Variants in CACNA2D3 observed in about 807,000 individuals in gnomAD.
CACNA2D3 encodes the protein calcium voltage-gated channel auxiliary subunit alpha2delta 3.
In CACNA2D3, 60 loss-of-function variants were observed where a neutral mutation model predicts 160.6. The ratio of observed to expected loss-of-function variants is 0.37; its 90% CI spans 0.30 to 0.46. The LOEUF is 0.46. Ranked by LOEUF, CACNA2D3 falls within the 20% of genes least tolerant of loss-of-function variation. CACNA2D3 has a pLI of 1.00. For missense variants in CACNA2D3, 1,205 were observed against 1,365.0 expected (o/e 0.88, Z 1.85); for synonymous variants, 558 against 492.9 (o/e 1.13, Z -1.75).
intron 4 of CACNA2D3, among the ~76,000 whole-genome samples, chr3:54,462,712 G>A: frequency 6.6e-6 from 1 of 152,108 alleles, no homozygotes; most frequent in African/African-American, 2.4e-5. Flanking sequence ...ACACTGATGG[G>A]TCTTGACTCT....
chr3:54,851,139 G>A (rs75346540), intron 17 of CACNA2D3, among the ~76,000 whole-genome samples: 3,201 of 152,292 alleles, frequency 0.021, 122 homozygotes, highest in African/African-American at 0.073. Flanking sequence ...AACATTCACT[G>A]ATTCCTTTTT....
intron 11 of CACNA2D3, among the ~76,000 whole-genome samples, chr3:54,723,730 C>G (rs541627127): frequency 3.3e-5 from 5 of 152,194 alleles, no homozygotes; most frequent in Non-Finnish European, 5.9e-5. Context: ...TCCAACCATT[C>G]TCAGTGAGAT....
Position 55,018,327 on chromosome 3 carries a change from C to T in CACNA2D3, c.2987+10C>T. 1 of 1,529,472 alleles carries T rather than the reference C, an allele frequency of 6.5e-7. No homozygotes were observed. Among genetic ancestry groups the T allele is most frequent in the Non-Finnish European group, 9.1e-7 (1 of 1,104,942 alleles). The allele number at this position is 1,529,472 out of a possible 1,614,324, so 94.7% of individuals were successfully genotyped here. ...GTGAAGACTGCTCCAAGTAAGCCAT[C>T]CCCCCACCCTCTAACCCCCTACACC... On this transcript the variant is annotated intron_variant, in intron 35 of 37. Coordinates refer to ENST00000474759, the MANE Select transcript of CACNA2D3 (RefSeq NM_018398.3).
chr3:54,147,216 A>G (rs1700048671), intron 2 of CACNA2D3, among the ~76,000 whole-genome samples: 2 of 152,194 alleles, frequency 1.3e-5, no homozygotes, highest in African/African-American at 4.8e-5. Flanking sequence ...TCTGGGCCTT[A>G]GTGTCCCCAT....
chr3:54,682,348 C>T (rs1203643576), intron 11 of CACNA2D3, among the ~76,000 whole-genome samples: 4 of 152,024 alleles, frequency 2.6e-5, no homozygotes, highest in Admixed American at 6.6e-5. Flanking sequence ...AGAATTAGCC[C>T]GGGCGTGGTG....
chr3:54,478,714 A>G (rs899941408), intron 4 of CACNA2D3, among the ~76,000 whole-genome samples: 2 of 142,890 alleles, frequency 1.4e-5, no homozygotes, highest in African/African-American at 5.2e-5. Flanking sequence ...TGAATCTCGC[A>G]TCTTCAATGT....
chr3:54,509,598 T>C (rs9846344), intron 5 of CACNA2D3, among the ~76,000 whole-genome samples: 2 of 152,136 alleles, frequency 1.3e-5, no homozygotes, highest in African/African-American at 4.8e-5. Context: ...TCGCACATGG[T>C]CTGTTGGTAC....
intron 2 of CACNA2D3, among the ~76,000 whole-genome samples, chr3:54,204,624 G>A (rs868296094): frequency 1.3e-5 from 2 of 151,880 alleles, no homozygotes; most frequent in Non-Finnish European, 1.5e-5. Context: ...GTGAAACCCT[G>A]TCTCTACTAA....
chr3:54,984,615 A>T lies in CACNA2D3; in HGVS notation c.2564A>T (p.Asn855Ile). The change falls in exon 30 of 38, where the codon AAT becomes ATT. Residue 855 changes from asparagine (N) to isoleucine (I), a missense_variant. By Grantham distance (149) the Asn-to-Ile change is moderately radical. Around this residue, in one of 3 missense-constraint regions of CACNA2D3, gnomAD observed 911 missense variants for 1,002.2 expected, o/e 0.91. Coordinates refer to ENST00000474759, the MANE Select transcript of CACNA2D3 (RefSeq NM_018398.3). ...TTTTTTTTAATTTTCTAGACTGTGA[A>T]TTGTTACCTCATAGACAATAATGGA... ...CSISCDDETV[N>I]CYLIDNNGFI... is the part of the protein sequence containing the mutation. 1 of 1,546,880 alleles carries T rather than the reference A, an allele frequency of 6.5e-7. No homozygotes were observed. Among genetic ancestry groups the T allele is most frequent in the Non-Finnish European group, 8.8e-7 (1 of 1,140,534 alleles).
intron 24 of CACNA2D3, among the ~76,000 whole-genome samples, chr3:54,889,885 T>G (rs1700016711): frequency 1.3e-5 from 2 of 152,186 alleles, no homozygotes; most frequent in Non-Finnish European, 2.9e-5. Flanking sequence ...GGTTGCTGAT[T>G]CATTCCTAAC....
chr3:54,566,233 C>T (rs1702407086), intron 6 of CACNA2D3, among the ~76,000 whole-genome samples: 1 of 152,190 alleles, frequency 6.6e-6, no homozygotes, highest in African/African-American at 2.4e-5. Flanking sequence ...TCCAAGTCTT[C>T]CTAGTACCTG....
intron 9 of CACNA2D3, among the ~76,000 whole-genome samples, chr3:54,622,970 A>C (rs1699022353): frequency 6.6e-6 from 1 of 152,144 alleles, no homozygotes; most frequent in African/African-American, 2.4e-5. Context: ...TAAGAAGGGG[A>C]GGAGGGGCAT....
intron 2 of CACNA2D3, among the ~76,000 whole-genome samples, chr3:54,135,991 G>A (rs746218241): frequency 2.6e-5 from 4 of 152,216 alleles, no homozygotes; most frequent in Non-Finnish European, 5.9e-5. Flanking sequence ...ACAGGGGGAG[G>A]CAGCCCTGAG....
chr3:54,907,751 C>G (rs1291438636), intron 27 of CACNA2D3, among the ~76,000 whole-genome samples: 1 of 152,160 alleles, frequency 6.6e-6, no homozygotes, highest in African/African-American at 2.4e-5. Flanking sequence ...AACTACAGCT[C>G]TAGGAAACCA....
chr3:54,529,948 G>T (rs1232057401), intron 5 of CACNA2D3, among the ~76,000 whole-genome samples: 1 of 152,204 alleles, frequency 6.6e-6, no homozygotes, highest in Non-Finnish European at 1.5e-5. Context: ...GTAGGAATGT[G>T]TGTTGGAAAT....
In CACNA2D3 at chr3:54,551,229, G is replaced by A. The variant is rs573282085; in HGVS notation, c.545-11571G>A. 2.4e-4 allele frequency among the ~76,000 whole-genome samples: 36 copies of A among 152,218 alleles called. 1 individual carries two copies. The highest frequency in any genetic ancestry group is 7.5e-4 in the African/African-American group (31 of 41,526). ...CAACCTGCCCACCCCATGCCTCTGC[G>A]TTCTGCAGATTCCATTTTACCCCAA... On this transcript the variant is annotated intron_variant, in intron 5 of 37. Coordinates refer to ENST00000474759, the MANE Select transcript of CACNA2D3 (RefSeq NM_018398.3).
chr3:54,801,457 G>C (rs1702985316), intron 13 of CACNA2D3, among the ~76,000 whole-genome samples: 1 of 152,098 alleles, frequency 6.6e-6, no homozygotes, highest in African/African-American at 2.4e-5. Flanking sequence ...AAAGTTGAGA[G>C]GGTGCCTAAC....
At chr3:54,786,081 C>G (rs1333792840) in intron 13 of CACNA2D3, among the ~76,000 whole-genome samples, 1 of 152,204 alleles carries the variant, frequency 6.6e-6, no homozygotes, top group Non-Finnish European at 1.5e-5. Context: ...AGTTACAAAT[C>G]CCTTCCCTAA....
Position 54,230,933 on chromosome 3 carries a change from G to C in CACNA2D3, c.205-89509G>C, listed in dbSNP as rs577892408. ...CAAGCTTCTTTTTAATCGTGTAAAT[G>C]GGGTCTATCGCCAAAAGATATCCAG... On this transcript the variant is annotated intron_variant, in intron 2 of 37. Transcript: ENST00000474759. Among the ~76,000 whole-genome samples the C allele has an allele frequency of 2.0e-5, 3 of 152,262 alleles. No individual in the cohort carries two copies. In the East Asian group the frequency reaches 5.8e-4, roughly 29 times the overall value.
Sources: gnomAD v4.1 joint callset for allele counts (sites outside exome capture counted in the v4.1 genomes callset) on GRCh38, gnomAD v4.1.1 for gene constraint, gnomAD v4.1.1 regional missense constraint, MANE v1.5 for transcripts, NCBI Gene and HGNC (gene_info 2026-07-23, HGNC 2026-07-21) for gene names.